UNC5C: variants seen among roughly 807,000 people sequenced by gnomAD.
The protein encoded by UNC5C is netrin receptor UNC5C.
A neutral mutation model predicts 99.8 loss-of-function variants in UNC5C; 47 were observed. The observed-to-expected ratio is 0.47, with a 90% confidence interval of 0.37 to 0.60. The LOEUF (loss-of-function observed/expected upper bound fraction) is 0.60. Among genes scored for constraint, UNC5C ranks in the 20% least tolerant of loss-of-function variants. The probability of loss-of-function intolerance (pLI) is 0.00; values close to 1 mark genes in which losing one functional copy is unlikely to be tolerated. For synonymous variants in UNC5C, 487 were observed against 452.2 expected (o/e 1.08, Z -0.98); for missense variants, 1,062 against 1,165.9 (o/e 0.91, Z 1.30).
chr4:95,444,849 A>T (rs2149464885), intron 1 of UNC5C, among the ~76,000 whole-genome samples: 1 of 152,136 alleles, frequency 6.6e-6, no homozygotes, highest in South Asian at 2.1e-4. Flanking sequence ...TGCTTCCATT[A>T]AAAAAAATTA....
At chr4:95,502,951 C>G (rs1275238178) in intron 1 of UNC5C, among the ~76,000 whole-genome samples, 1 of 152,092 alleles carries the variant, frequency 6.6e-6, no homozygotes, top group Non-Finnish European at 1.5e-5. Flanking sequence ...TGCTCTTTGT[C>G]CATTACAAAA....
At chr4:95,187,367 G>A (rs981956251) in intron 12 of UNC5C, among the ~76,000 whole-genome samples, 2 of 152,020 alleles carry the variant, frequency 1.3e-5, no homozygotes, top group East Asian at 1.9e-4. Context: ...TCATTATGTC[G>A]AAATTATCTC....
At chr4:95,416,116 A>G (rs922804324) in intron 1 of UNC5C, among the ~76,000 whole-genome samples, 2 of 152,128 alleles carry the variant, frequency 1.3e-5, no homozygotes, top group Non-Finnish European at 2.9e-5. Context: ...ATAGCTGGAG[A>G]ATGGAAAGTA....
At position 95,219,002 on chromosome 4, in the gene UNC5C, A is replaced by T. The variant is rs765300766; in HGVS notation, c.1612T>A (p.Ser538Thr). ...PSCTAFGSFN[S>T]LGGHLIVPNS... ...GGAACAATAAGGTGACCTCCCAGCG[A>T]GTTGAAGCTGCCAAATGCGGTACAG... Residue 538 changes from serine (S) to threonine (T), a missense_variant, in exon 9 of 16, where the codon TCG becomes ACG. Coordinates refer to ENST00000453304, the MANE Select transcript of UNC5C (RefSeq NM_003728.4). 2.3e-5 allele frequency: 37 copies of T among 1,612,404 alleles called. No individual in the cohort carries two copies. Among genetic ancestry groups the T allele is most frequent in the Non-Finnish European group, 3.1e-5 (36 of 1,178,838 alleles).
At chr4:95,368,339 T>G (rs1243887465) in intron 1 of UNC5C, among the ~76,000 whole-genome samples, 1 of 146,356 alleles carries the variant, frequency 6.8e-6, no homozygotes, top group Non-Finnish European at 1.5e-5. Context: ...CTTTACAAAT[T>G]ATAGGCTTAC....
intron 7 of UNC5C, among the ~76,000 whole-genome samples, chr4:95,232,099 G>A (rs1738934200): frequency 6.6e-6 from 1 of 152,054 alleles, no homozygotes. Flanking sequence ...ATGATTCACA[G>A]TAGGTGAAGC....
intron 13 of UNC5C, among the ~76,000 whole-genome samples, chr4:95,184,184 T>C (rs1000075998): frequency 4.6e-5 from 7 of 152,158 alleles, no homozygotes; most frequent in African/African-American, 9.7e-5. Context: ...GCATGCAACC[T>C]CCGTCAAAGC....
intron 1 of UNC5C, among the ~76,000 whole-genome samples, chr4:95,444,308 A>T (rs1007127982): frequency 1.3e-5 from 2 of 151,220 alleles, no homozygotes; most frequent in African/African-American, 4.9e-5. Context: ...GACAGCAAGT[A>T]AATAGGCAGC....
chr4:95,258,743 A>ACTCTTTTTT (rs1184674099), intron 4 of UNC5C, among the ~76,000 whole-genome samples: 2 of 85,868 alleles, frequency 2.3e-5, no homozygotes, highest in African/African-American at 3.8e-5. Context: ...CGACCATCTT[A>ACTCTTTTTT]TTCTTTTTTT....
At chr4:95,404,482 A>G (rs1560820982) in intron 1 of UNC5C, among the ~76,000 whole-genome samples, 1 of 152,202 alleles carries the variant, frequency 6.6e-6, no homozygotes, top group Non-Finnish European at 1.5e-5. Context: ...GCCAAAGCCC[A>G]TGGATATAAA....
intron 12 of UNC5C, among the ~76,000 whole-genome samples, chr4:95,199,605 A>T (rs1329011379): frequency 6.6e-6 from 1 of 152,208 alleles, no homozygotes; most frequent in Non-Finnish European, 1.5e-5. Flanking sequence ...TTCACTAATT[A>T]TAATAATCAG....
At chr4:95,186,165 T>C (rs1342345310) in intron 12 of UNC5C, among the ~76,000 whole-genome samples, 1 of 152,182 alleles carries the variant, frequency 6.6e-6, no homozygotes, top group South Asian at 2.1e-4. Flanking sequence ...TCTCATGCCT[T>C]AAAAGTTTTA....
At chr4:95,298,012 T>C (rs1207055546) in intron 3 of UNC5C, among the ~76,000 whole-genome samples, 2 of 152,170 alleles carry the variant, frequency 1.3e-5, no homozygotes, top group African/African-American at 4.8e-5. Context: ...CAACTTATCC[T>C]CAAAACCAAA....
At chr4:95,530,523 T>G (rs1722614399) in intron 1 of UNC5C, among the ~76,000 whole-genome samples, 1 of 152,222 alleles carries the variant, frequency 6.6e-6, no homozygotes. Flanking sequence ...TTTGTTGGCT[T>G]TCTTTAGTCT....
intron 7 of UNC5C, among the ~76,000 whole-genome samples, chr4:95,222,658 GT>G (rs558936018): frequency 2.0e-5 from 3 of 151,310 alleles, no homozygotes; most frequent in Admixed American, 6.6e-5. Flanking sequence ...GCTCTAAACA[GT>G]TTTTTTTTCT....
At chr4:95,370,526 C>T (rs902938622) in intron 1 of UNC5C, among the ~76,000 whole-genome samples, 1 of 152,134 alleles carries the variant, frequency 6.6e-6, no homozygotes, top group Non-Finnish European at 1.5e-5. Flanking sequence ...TTTCCTGTCA[C>T]TGGCTTTTGC....
intron 12 of UNC5C, among the ~76,000 whole-genome samples, chr4:95,199,087 C>T (rs922938242): frequency 2.6e-5 from 4 of 152,018 alleles, no homozygotes; most frequent in African/African-American, 9.7e-5. Context: ...TTTGGAAGAG[C>T]ATGAGCGTGA....
At chr4:95,512,205 G>A (rs944948329) in intron 1 of UNC5C, among the ~76,000 whole-genome samples, 2 of 152,044 alleles carry the variant, frequency 1.3e-5, no homozygotes, top group African/African-American at 2.4e-5. Context: ...AACTTGATGA[G>A]GGAACACACG....
intron 1 of UNC5C, among the ~76,000 whole-genome samples, chr4:95,527,767 A>G (rs1243606694): frequency 6.6e-6 from 1 of 152,162 alleles, no homozygotes; most frequent in Non-Finnish European, 1.5e-5. Context: ...AATCTAGAAT[A>G]TGAAGTTTCT....
Sources: gnomAD v4.1 joint callset for allele counts (sites outside exome capture counted in the v4.1 genomes callset) on GRCh38, gnomAD v4.1.1 for gene constraint, MANE v1.5 for transcripts, NCBI Gene and HGNC (gene_info 2026-07-23, HGNC 2026-07-21) for gene names.